RBFOX1: variants seen among roughly 807,000 people sequenced by gnomAD.
RBFOX1 encodes RNA binding fox-1 homolog 1, also known as RNA binding protein fox-1 homolog 1.
In RBFOX1, 8 loss-of-function variants were observed where a neutral mutation model predicts 57.7. The ratio of observed to expected loss-of-function variants is 0.14; its 90% CI spans 0.08 to 0.25. The LOEUF (loss-of-function observed/expected upper bound fraction) is 0.25. Ranked by LOEUF, RBFOX1 falls within the 10% of genes least tolerant of loss-of-function variation. The pLI is 1.00. For missense variants in RBFOX1, 611 were observed against 548.5 expected (o/e 1.11, Z -1.14); for synonymous variants, 326 against 222.4 (o/e 1.47, Z -4.15).
intron 2 of RBFOX1, among the ~76,000 whole-genome samples, chr16:5,534,647 C>T (rs142896981): frequency 1.8e-4 from 28 of 152,252 alleles, no homozygotes; most frequent in African/African-American, 3.1e-4. Flanking sequence ...TGCTGGCATC[C>T]GATTAGATGG....
chr16:7,616,601 T>C (rs932499316), intron 10 of RBFOX1, among the ~76,000 whole-genome samples: 1 of 152,174 alleles, frequency 6.6e-6, no homozygotes, highest in Non-Finnish European at 1.5e-5. Context: ...TCTCACTCTG[T>C]CACCTAGGCT....
chr16:7,396,256 C>T (rs571094949), intron 4 of RBFOX1, among the ~76,000 whole-genome samples: 9 of 152,274 alleles, frequency 5.9e-5, no homozygotes, highest in African/African-American at 9.6e-5. Context: ...CTGTCTACAC[C>T]GGCTGCTCCT....
intron 1 of RBFOX1, among the ~76,000 whole-genome samples, chr16:5,375,687 G>A (rs1184930740): frequency 6.6e-6 from 1 of 152,184 alleles, no homozygotes; most frequent in South Asian, 2.1e-4. Flanking sequence ...TGTGCCAGGG[G>A]TTGCCAAATG....
At chr16:6,252,419 A>G (rs1300063216) in intron 1 of RBFOX1, among the ~76,000 whole-genome samples, 3 of 152,134 alleles carry the variant, frequency 2.0e-5, no homozygotes, top group Non-Finnish European at 4.4e-5. Context: ...AAAAAGAAGA[A>G]AAAGCATCTT....
At chr16:6,341,277 C>T (rs898195904) in intron 2 of RBFOX1, among the ~76,000 whole-genome samples, 1 of 152,112 alleles carries the variant, frequency 6.6e-6, no homozygotes, top group Admixed American at 6.5e-5. Context: ...TTGTGGCGTC[C>T]TTCCATTTTC....
At chr16:7,611,244 G>A (rs2057407830) in intron 10 of RBFOX1, among the ~76,000 whole-genome samples, 1 of 152,168 alleles carries the variant, frequency 6.6e-6, no homozygotes, top group Non-Finnish European at 1.5e-5. Flanking sequence ...AATTTTCTTA[G>A]TTTAGTAGAC....
chr16:7,709,996 C>T (rs1035840157), intron 15 of RBFOX1: 30 of 1,007,054 alleles, frequency 3.0e-5, no homozygotes, highest in African/African-American at 5.2e-5. Context: ...AAAAGGAAAT[C>T]GTTAAGTGCC....
At chr16:6,711,453 G>T (rs985941678) in intron 3 of RBFOX1, among the ~76,000 whole-genome samples, 2 of 152,116 alleles carry the variant, frequency 1.3e-5, no homozygotes, top group Non-Finnish European at 2.9e-5. Context: ...TAATCCCCAC[G>T]TGTCAAGGGA....
intron 4 of RBFOX1, among the ~76,000 whole-genome samples, chr16:7,437,250 GCC>G (rs61036994): frequency 0.01 from 1,330 of 127,252 alleles, 21 homozygotes; most frequent in African/African-American, 0.031. Flanking sequence ...AATTATCTTT[GCC>G]CCCCCCCCCT....
chr16:6,494,298 C>A (rs2095706700), intron 2 of RBFOX1, among the ~76,000 whole-genome samples: 1 of 152,066 alleles, frequency 6.6e-6, no homozygotes, highest in Non-Finnish European at 1.5e-5. Flanking sequence ...GTTTCTGTAT[C>A]CACCGCCACA....
intron 3 of RBFOX1, among the ~76,000 whole-genome samples, chr16:5,752,047 A>G (rs1386539370): frequency 1.3e-5 from 2 of 152,224 alleles, no homozygotes; most frequent in African/African-American, 4.8e-5. Flanking sequence ...GGCAGATTGG[A>G]TAGAGAAAAT....
intron 5 of RBFOX1, among the ~76,000 whole-genome samples, chr16:7,565,813 G>A (rs1246178339): frequency 1.3e-5 from 2 of 152,096 alleles, no homozygotes; most frequent in African/African-American, 2.4e-5. Flanking sequence ...TGCATGGAGG[G>A]GAGGAAGCCT....
At chr16:7,427,480 T>G (rs2098632088) in intron 4 of RBFOX1, among the ~76,000 whole-genome samples, 1 of 152,042 alleles carries the variant, frequency 6.6e-6, no homozygotes, top group African/African-American at 2.4e-5. Flanking sequence ...GCTTAACAAC[T>G]GTGTGTAGCT....
chr16:6,767,914 C>CAATAATAAT (rs71408408), intron 3 of RBFOX1, among the ~76,000 whole-genome samples: 1,666 of 117,960 alleles, frequency 0.014, 26 homozygotes, highest in Middle Eastern at 0.035. Flanking sequence ...GACTCTATCT[C>CAATAATAAT]AATAATAATA....
intron 3 of RBFOX1, among the ~76,000 whole-genome samples, chr16:6,660,171 C>G (rs945282691): frequency 6.6e-6 from 1 of 150,658 alleles, no homozygotes; most frequent in Non-Finnish European, 1.5e-5. Flanking sequence ...TTGCAGTGAG[C>G]TGAGATCTCG....
At chr16:7,148,680 C>T (rs776856349) in intron 4 of RBFOX1, among the ~76,000 whole-genome samples, 1 of 152,186 alleles carries the variant, frequency 6.6e-6, no homozygotes, top group Non-Finnish European at 1.5e-5. Context: ...ATGTGCCGCT[C>T]TACTCTCTAC....
chr16:5,965,734 T>TG (rs1473910292), intron 4 of RBFOX1, among the ~76,000 whole-genome samples: 5 of 152,202 alleles, frequency 3.3e-5, no homozygotes, highest in Admixed American at 1.3e-4. Flanking sequence ...TGCCTCTGAG[T>TG]GAGGATATTT....
At chr16:5,502,799 G>C (rs553446452) in intron 2 of RBFOX1, among the ~76,000 whole-genome samples, 1 of 152,118 alleles carries the variant, frequency 6.6e-6, no homozygotes, top group Non-Finnish European at 1.5e-5. Context: ...ACCATCTCCC[G>C]TCAGTTCCAG....
intron 1 of RBFOX1, chr16:6,092,727 T>C (rs1306569426): frequency 6.6e-6 from 1 of 152,216 alleles, no homozygotes; most frequent in East Asian, 1.9e-4. Context: ...CTGGGCCCTC[T>C]GTTCTGTTCC....
Sources: allele counts gnomAD v4.1 joint callset (sites outside exome capture counted in the v4.1 genomes callset), GRCh38; gene constraint gnomAD v4.1.1; transcripts MANE v1.5; gene names NCBI Gene and HGNC (gene_info 2026-07-23, HGNC 2026-07-21).